The following ELOVL4 variants were observed in gnomAD, a reference collection of about 807,000 sequenced individuals.
ELOVL4 encodes very long chain fatty acid elongase 4.
ELOVL4 carries 18 observed loss-of-function variants against 42.1 expected under a neutral mutation model. The ratio of observed to expected loss-of-function variants is 0.43; its 90% CI spans 0.30 to 0.63. ELOVL4 has a LOEUF of 0.63. ELOVL4 is among the 30% of genes least tolerant of loss of function. The probability of loss-of-function intolerance (pLI) is 0.15; values close to 1 mark genes in which losing one functional copy is unlikely to be tolerated. For missense variants in ELOVL4, 299 were observed against 376.2 expected, an observed-to-expected ratio of 0.79 and a Z score of 1.70; for synonymous variants, 117 against 127.0, an observed-to-expected ratio of 0.92 and a Z score of 0.53.
chr6:79,934,318 C>T (rs1420855502), intron 1 of ELOVL4, among the ~76,000 whole-genome samples: 1 of 151,538 alleles, frequency 6.6e-6, no homozygotes, highest in Non-Finnish European at 1.5e-5. Flanking sequence ...GTCACAAAGA[C>T]CGAGAAATTT....
At chr6:79,941,349 T>C (rs1277632923) in intron 1 of ELOVL4, among the ~76,000 whole-genome samples, 3 of 152,122 alleles carry the variant, frequency 2.0e-5, no homozygotes, top group African/African-American at 7.2e-5. Context: ...TCCAGAATTC[T>C]TCCCATTCAC....
intron 3 of ELOVL4, 105 bp from the exon 4 acceptor site, chr6:79,921,901 T>G (rs1436522292): frequency 3.6e-6 from 4 of 1,103,608 alleles, no homozygotes; most frequent in Non-Finnish European, 5.4e-6. Flanking sequence ...TTGCACAAAA[T>G]GTACAAGGCA....
rs145712015 is a variant in ELOVL4, at chr6:79,916,696, A to G, written c.857T>C (p.Ile286Thr). Residue 286 changes from isoleucine to threonine, a missense_variant, in exon 6 of 6, where the codon ATT (isoleucine) becomes ACT (threonine). Physicochemically the swap from Ile to Thr is moderately conservative, Grantham distance 89. Coordinates refer to ENST00000369816, the MANE Select transcript of ELOVL4 (RefSeq NM_022726.4). ...TGATTTGCTCACACCATTTGCTGAA[A>G]TACCATTCATGGCTGTTTTTCCAGC... ...PKAGKTAMNG[I>T]SANGVSKSEK... The G allele has an allele frequency of 3.1e-6, 5 of 1,614,040 alleles. No homozygotes were observed. In the African/African-American group the frequency reaches 6.7e-5, roughly 22 times the overall value.
intron 1 of ELOVL4, among the ~76,000 whole-genome samples, chr6:79,936,447 G>GTAAC (rs1460623474): frequency 6.6e-6 from 1 of 152,052 alleles, no homozygotes; most frequent in African/African-American, 2.4e-5. Flanking sequence ...ACCCCAAAGG[G>GTAAC]TAACTGTAGT....
Position 79,926,050 on chromosome 6 carries a change from CA to C in ELOVL4, c.288+143del, listed in dbSNP as rs1561985489. 3.8e-6 allele frequency: 3 copies of C among 791,418 alleles called. No individual in the cohort carries two copies. The South Asian group carries it at 5.4e-5, about 14-fold the overall frequency. The allele number at this position is 791,418 out of a possible 1,614,324, so 49.0% of individuals were successfully genotyped here. A position where few individuals can be genotyped will look rare whatever the true frequency, so the allele number is the denominator to read the frequency against. Reference sequence around the variant, plus strand: ...CCTCATGTTTAATATTTTTGTTATTCAAAAGTGAAAAATGTCAAAAATGTAC... The same window carrying C: ...CCTCATGTTTAATATTTTTGTTATTCAAAGTGAAAAATGTCAAAAATGTAC... On this transcript the variant is annotated intron_variant, in intron 2 of 5. Transcript: ENST00000369816.
intron 3 of ELOVL4, among the ~76,000 whole-genome samples, chr6:79,924,228 C>A (rs919531005): frequency 6.6e-6 from 1 of 151,996 alleles, no homozygotes; most frequent in Non-Finnish European, 1.5e-5. Context: ...TTGTTCTATG[C>A]CTAATTTCCT....
At position 79,916,512 on chromosome 6, in the gene ELOVL4, C is replaced by T; in HGVS notation, c.*96G>A. On this transcript the variant is annotated 3_prime_UTR_variant, in exon 6 of 6. Coordinates refer to ENST00000369816, the MANE Select transcript of ELOVL4 (RefSeq NM_022726.4). ...ATAGAGCACATTTGTCTTTTCTCCC[C>T]ACCCCCAAGCTCTCCTTTGCTTCTG... The T allele has an allele frequency of 6.8e-7, 1 of 1,473,964 alleles. No homozygotes were observed. Among genetic ancestry groups the T allele is most frequent in the Non-Finnish European group, 9.4e-7 (1 of 1,060,838 alleles). The allele number at this position is 1,473,964 out of a possible 1,614,324, so 91.3% of individuals were successfully genotyped here.
At chr6:79,933,740 T>G (rs562949084) in intron 1 of ELOVL4, among the ~76,000 whole-genome samples, 1 of 152,318 alleles carries the variant, frequency 6.6e-6, no homozygotes, top group African/African-American at 2.4e-5. Flanking sequence ...CTGGACACTA[T>G]GATCTGAGCT....
intron 5 of ELOVL4, among the ~76,000 whole-genome samples, chr6:79,917,394 T>A (rs73750823): frequency 6.6e-6 from 1 of 152,266 alleles, no homozygotes; most frequent in African/African-American, 2.4e-5. Flanking sequence ...CATTTTACAT[T>A]GGTTTCTTTC....
At chr6:79,919,269 AG>A in intron 5 of ELOVL4, 150 bp downstream of exon 5, 2 of 812,576 alleles carry the variant, frequency 2.5e-6, no homozygotes, top group Non-Finnish European at 4.0e-6. Flanking sequence ...TAGGTCATCT[AG>A]AGTCAAGTGG....
rs1341873872 is a variant in ELOVL4 at position 79,922,587 on chromosome 6, T to C, written c.370-791A>G. ...AGTAAACCAAACTTAATTTTTTATGTCAAGTATTTTCTATGATAAGCATCC... is the reference window on the plus strand; with the variant it reads ...AGTAAACCAAACTTAATTTTTTATGCCAAGTATTTTCTATGATAAGCATCC... On this transcript the variant is annotated intron_variant, in intron 3 of 5. Transcript: ENST00000369816. 2.0e-5 allele frequency among the ~76,000 whole-genome samples: 3 copies of C among 152,304 alleles called. No homozygotes were observed. The East Asian group carries it at 5.8e-4, about 29-fold the overall frequency.
chr6:79,943,735 A>G (rs187965546), intron 1 of ELOVL4, among the ~76,000 whole-genome samples: 1 of 152,302 alleles, frequency 6.6e-6, no homozygotes, highest in Admixed American at 6.5e-5. Flanking sequence ...CTGTGCCTGT[A>G]CATGGCAAGT....
At chr6:79,924,297 G>A (rs188523443) in intron 3 of ELOVL4, among the ~76,000 whole-genome samples, 1 of 151,868 alleles carries the variant, frequency 6.6e-6, no homozygotes, top group Admixed American at 6.6e-5. Context: ...ACATAACTTG[G>A]ACTCTAAGAG....
intron 5 of ELOVL4, 85 bp from the exon 6 acceptor site, chr6:79,916,968 C>A (rs545069030): frequency 6.5e-7 from 1 of 1,541,680 alleles, no homozygotes; most frequent in African/African-American, 1.4e-5. Flanking sequence ...ACATAGCTAT[C>A]ACAGGCCCAA....
At chr6:79,932,213 A>G (rs1413834743) in intron 1 of ELOVL4, among the ~76,000 whole-genome samples, 1 of 152,212 alleles carries the variant, frequency 6.6e-6, no homozygotes, top group Non-Finnish European at 1.5e-5. Flanking sequence ...CACTAAAAGG[A>G]GTCAATTTTA....
intron 1 of ELOVL4, among the ~76,000 whole-genome samples, chr6:79,928,277 T>A (rs1317192675): frequency 6.6e-6 from 1 of 152,252 alleles, no homozygotes; most frequent in African/African-American, 2.4e-5. Flanking sequence ...AGAGCAAAAG[T>A]ACTCTGATTA....
intron 1 of ELOVL4, among the ~76,000 whole-genome samples, chr6:79,930,653 T>C (rs528083321): frequency 1.3e-5 from 2 of 152,258 alleles, no homozygotes; most frequent in African/African-American, 4.8e-5. Flanking sequence ...CCACCTGAGT[T>C]TTAAACCAAA....
At chr6:79,945,797 C>CAAA (rs5877686) in intron 1 of ELOVL4, among the ~76,000 whole-genome samples, 1 of 144,044 alleles carries the variant, frequency 6.9e-6, no homozygotes, top group Non-Finnish European at 1.5e-5. Context: ...CGCATAGAAA[C>CAAA]AAAAAAAAAA....
intron 1 of ELOVL4, among the ~76,000 whole-genome samples, chr6:79,931,466 T>G (rs571682393): frequency 6.6e-6 from 1 of 152,120 alleles, no homozygotes; most frequent in South Asian, 2.1e-4. Context: ...GGGAGAGAAT[T>G]TCCCATCGAT....
Sources: allele counts gnomAD v4.1 joint callset (sites outside exome capture counted in the v4.1 genomes callset), GRCh38; gene constraint gnomAD v4.1.1; transcripts MANE v1.5; gene names NCBI Gene and HGNC (gene_info 2026-07-23, HGNC 2026-07-21).